The following ACACA variants were observed in gnomAD, a reference collection of about 807,000 sequenced individuals.
The protein encoded by ACACA is acetyl-CoA carboxylase 1.
ACACA carries 103 observed loss-of-function variants against 296.1 expected under a neutral mutation model. The observed-to-expected ratio is 0.35, with a 90% confidence interval of 0.30 to 0.41. The LOEUF (loss-of-function observed/expected upper bound fraction) is 0.41, where lower values mean the gene tolerates loss of function less well. ACACA is among the 10% of genes least tolerant of loss of function. The pLI, the probability that ACACA is intolerant of heterozygous loss-of-function variation, is 1.00. For missense variants in ACACA, 1,554 were observed against 2,989.7 expected (o/e 0.52, Z 11.20); for synonymous variants, 953 against 1,038.6 (o/e 0.92, Z 1.58).
intron 3 of ACACA, among the ~76,000 whole-genome samples, chr17:37,318,084 A>G (rs534667145): frequency 6.6e-6 from 1 of 152,312 alleles, no homozygotes; most frequent in South Asian, 2.1e-4. Context: ...GAGAAATGCT[A>G]AGAAAGTCAA....
chr17:37,258,236 C>T lies in ACACA; in HGVS notation c.1638G>A (p.Arg546=), dbSNP rs200786586. The T allele has an allele frequency of 3.1e-6, 5 of 1,614,074 alleles. No homozygotes were observed. The highest frequency in any genetic ancestry group is 3.3e-5 in the Admixed American group (2 of 60,016). Residue 546 remains arginine, a synonymous_variant, in exon 13 of 56, where the codon CGG becomes CGA. Transcript: ENST00000616317. ...PCPRGHVIAA[R]ITSENPDEGF... ...CCTCATCTGGATTTTCACTAGTGAT[C>T]CGAGCAGCAATAACATGGCCCCTTG...
intron 3 of ACACA, among the ~76,000 whole-genome samples, chr17:37,285,679 C>T (rs529585507): frequency 3.0e-5 from 4 of 134,494 alleles, no homozygotes; most frequent in Admixed American, 8.4e-5. Flanking sequence ...CTGGCACAGT[C>T]GTGTGTTCCT....
At chr17:37,270,695 C>T (rs1189470367) in intron 10 of ACACA, 56 bp downstream of exon 10, 2 of 1,289,196 alleles carry the variant, frequency 1.6e-6, no homozygotes, top group South Asian at 1.2e-5. Flanking sequence ...TGAGTTAAAT[C>T]ATATATCTCT....
At chr17:37,127,769 G>A (rs2074863157) in intron 47 of ACACA, among the ~76,000 whole-genome samples, 1 of 151,148 alleles carries the variant, frequency 6.6e-6, no homozygotes, top group African/African-American at 2.4e-5. Context: ...ACTTGAACCT[G>A]GGAGGCGGAG....
intron 3 of ACACA, among the ~76,000 whole-genome samples, chr17:37,325,642 C>T (rs1194222156): frequency 2.5e-5 from 3 of 120,634 alleles, no homozygotes; most frequent in South Asian, 5.5e-4. Context: ...GGCATGATCT[C>T]GGCTCACCGC....
intron 3 of ACACA, among the ~76,000 whole-genome samples, chr17:37,291,172 C>T (rs1043560944): frequency 1.9e-4 from 3 of 16,088 alleles, no homozygotes; most frequent in Non-Finnish European, 2.7e-4. Context: ...ACACACATCT[C>T]ATAATATTTG....
At chr17:37,307,497 T>C (rs2083936222) in intron 3 of ACACA, among the ~76,000 whole-genome samples, 1 of 152,228 alleles carries the variant, frequency 6.6e-6, no homozygotes, top group Admixed American at 6.5e-5. Context: ...CCTTTTCATA[T>C]ACTTACTTGA....
intron 3 of ACACA, among the ~76,000 whole-genome samples, chr17:37,308,195 T>C (rs990042231): frequency 2.0e-5 from 3 of 152,226 alleles, no homozygotes; most frequent in African/African-American, 7.2e-5. Flanking sequence ...CACAAGTGTC[T>C]TGATATATTT....
At chr17:37,340,063 G>A (rs1199151511) in intron 1 of ACACA, among the ~76,000 whole-genome samples, 1 of 152,018 alleles carries the variant, frequency 6.6e-6, no homozygotes, top group Non-Finnish European at 1.5e-5. Context: ...TATTGTTTAA[G>A]AAAATATTAA....
At chr17:37,149,775 G>T in intron 45 of ACACA, 89 bp downstream of exon 45, 2 of 1,177,800 alleles carry the variant, frequency 1.7e-6, no homozygotes, top group Non-Finnish European at 2.6e-6. Context: ...GGATTGAACT[G>T]CTTCCTTCCA....
chr17:37,301,190 C>G (rs1490355847), intron 3 of ACACA, among the ~76,000 whole-genome samples: 1 of 152,182 alleles, frequency 6.6e-6, no homozygotes. Flanking sequence ...TCTACGACAA[C>G]CAAACACTAA....
intron 48 of ACACA, 27 bp from the exon 49 acceptor site, chr17:37,122,654 C>G: frequency 6.3e-7 from 1 of 1,579,304 alleles, no homozygotes; most frequent in Non-Finnish European, 8.7e-7. Flanking sequence ...CACATAAGAA[C>G]CCAATGTATG....
At chr17:37,206,339 TGATA>T (rs958608766) in intron 32 of ACACA, among the ~76,000 whole-genome samples, 5 of 152,310 alleles carry the variant, frequency 3.3e-5, no homozygotes, top group Admixed American at 6.5e-5. Flanking sequence ...ATTTATTTAC[TGATA>T]AATAAAAAGA....
chr17:37,374,931 C>T (rs891539999), intron 1 of ACACA, among the ~76,000 whole-genome samples: 1 of 152,076 alleles, frequency 6.6e-6, no homozygotes, highest in Non-Finnish European at 1.5e-5. Context: ...TGGGGTGGCT[C>T]ACGGCTGTAA....
chr17:37,164,444 A>C (rs1357657495), intron 41 of ACACA, among the ~76,000 whole-genome samples: 1 of 152,234 alleles, frequency 6.6e-6, no homozygotes, highest in African/African-American at 2.4e-5. Flanking sequence ...GATAAATATA[A>C]GCTATTTAAT....
intron 3 of ACACA, among the ~76,000 whole-genome samples, chr17:37,315,872 A>C (rs868108565): frequency 1.3e-5 from 2 of 152,264 alleles, no homozygotes; most frequent in Middle Eastern, 3.4e-3. Context: ...ATCTCTGGCC[A>C]CTTGTGATTA....
At chr17:37,311,413 A>AAC (rs34417650) in intron 3 of ACACA, among the ~76,000 whole-genome samples, 54,114 of 151,500 alleles carry the variant, frequency 0.36, 12,744 homozygotes, top group African/African-American at 0.66. Context: ...TGGGTTACAA[A>AAC]ACACACACAC....
intron 41 of ACACA, among the ~76,000 whole-genome samples, chr17:37,167,119 A>ATTTT (rs11290127): frequency 6.3e-4 from 64 of 101,314 alleles, no homozygotes; most frequent in African/African-American, 1.1e-3. Context: ...TAATTTTTGC[A>ATTTT]TTTTTTTTTT....
intron 47 of ACACA, 133 bp from the exon 48 acceptor site, chr17:37,125,927 A>T (rs2074762040): frequency 5.3e-6 from 4 of 752,838 alleles, no homozygotes; most frequent in Non-Finnish European, 9.5e-6. Context: ...ATTATAATAG[A>T]TGGAAGCATT....
Sources: allele counts gnomAD v4.1 joint callset (sites outside exome capture counted in the v4.1 genomes callset), GRCh38; gene constraint gnomAD v4.1.1; transcripts MANE v1.5; gene names NCBI Gene and HGNC (gene_info 2026-07-23, HGNC 2026-07-21).